Variants in SLC22A17 observed in about 807,000 individuals in gnomAD.
SLC22A17 encodes the protein 24p3 receptor.
Under a neutral mutation model 53.6 loss-of-function variants are expected in SLC22A17, and 38 were observed. The observed-to-expected ratio is 0.71, with a 90% CI of 0.55 to 0.93. SLC22A17 has a LOEUF of 0.93. SLC22A17 is among the 40% of genes least tolerant of loss of function. The pLI, the probability that SLC22A17 is intolerant of heterozygous loss-of-function variation, is 0.00. For synonymous variants in SLC22A17, 379 were observed against 353.0 expected (o/e 1.07, Z -0.82); for missense variants, 704 against 791.0 (o/e 0.89, Z 1.32).
chr14:23,349,485 G>GGTAA, intron 3 of SLC22A17, 59 bp from the exon 4 acceptor site: 2 of 1,558,940 alleles, frequency 1.3e-6, no homozygotes, highest in East Asian at 4.7e-5. Context: ...AAAGTTGCTG[G>GGTAA]GTAAGACCCA....
chr14:23,350,895 AC>A (rs1749744932), intron 3 of SLC22A17: 1 of 152,192 alleles, frequency 6.6e-6, no homozygotes, highest in African/African-American at 2.4e-5. Context: ...AAGGAACTGG[AC>A]TATTGAATGT....
chr14:23,349,567 A>T (rs565005729), intron 3 of SLC22A17, 141 bp from the exon 4 acceptor site: 4 of 931,906 alleles, frequency 4.3e-6, no homozygotes, highest in South Asian at 1.8e-5. Flanking sequence ...GCTTGAGAAG[A>T]TGGGGAGGGA....
In SLC22A17 at chr14:23,352,827, G is replaced by A. The variant is rs1595016829; in HGVS notation, c.-86C>T. 1 of 398,366 alleles carries A rather than the reference G, an allele frequency of 2.5e-6. No individual in the cohort carries two copies. 24.7% of individuals were successfully genotyped at this position (398,366 alleles called of 1,614,324 possible). A position where few individuals can be genotyped will look rare whatever the true frequency, so the allele number is the denominator to read the frequency against. On this transcript the variant is annotated 5_prime_UTR_variant, in exon 1 of 10. Transcript: ENST00000397267. This position sits in a 1 kb window ranked among gnomAD's most constrained non-coding sequence, Gnocchi z 7.2. ...GTTGCGCGCCGGCTGCCCGGACACAGACAGCTCGAAGAGATCCCGCTCTGC... is the reference window on the plus strand; with the variant it reads ...GTTGCGCGCCGGCTGCCCGGACACAAACAGCTCGAAGAGATCCCGCTCTGC...
intron 3 of SLC22A17, among the ~76,000 whole-genome samples, chr14:23,350,595 T>C (rs1889561881): frequency 6.6e-6 from 1 of 152,206 alleles, no homozygotes; most frequent in African/African-American, 2.4e-5. Context: ...AGGGAGCCTC[T>C]GGTCATTGCA....
Position 23,347,952 on chromosome 14 carries a change from A to G in SLC22A17, c.1216T>C (p.Phe406Leu), listed in dbSNP as rs769954311. ...TTGCGGTAGTTGAGGAGGGAAGCAA[A>G]GGAAAAGGAGGATGTTGCAGGGAGA... Residue 406 changes from phenylalanine to leucine, a missense_variant, in exon 7 of 10, where the codon TTT (phenylalanine) becomes CTT (leucine). This residue lies in a region of SLC22A17 where 435 missense variants were observed against 529.0 expected (regional missense o/e 0.82). Transcript: ENST00000397267. This position sits in a 1 kb window ranked among gnomAD's most constrained non-coding sequence, Gnocchi z 5.1. The G allele has an allele frequency of 6.2e-7, 1 of 1,614,152 alleles. No homozygotes were observed. The highest frequency in any genetic ancestry group is 8.5e-7 in the Non-Finnish European group (1 of 1,180,004).
At position 23,348,408 on chromosome 14, in the gene SLC22A17, A is replaced by G. The variant is rs551377773; in HGVS notation, c.1025+98T>C. On this transcript the variant is annotated intron_variant, in intron 5 of 9. Coordinates refer to ENST00000397267, the Ensembl canonical transcript of SLC22A17. This position sits in a 1 kb window ranked among gnomAD's most constrained non-coding sequence, Gnocchi z 4.5. The stretch of plus-strand genomic sequence containing the variant: ...GGGACTGGGGCTGGGGTAGGCCTGG[A>G]CCAGGGGTAGTTGGAGAAGAGGAGG... 2.9e-4 allele frequency: 459 copies of G among 1,583,624 alleles called. 1 individual carries two copies. In the African/African-American group the frequency reaches 5.5e-3, roughly 19 times the overall value.
chr14:23,349,578 T>G, intron 3 of SLC22A17, 152 bp from the exon 4 acceptor site: 27 of 833,848 alleles, frequency 3.2e-5, no homozygotes, highest in African/African-American at 1.7e-5. Flanking sequence ...TGGGGAGGGA[T>G]GGGGACCATG....
chr14:23,352,197 G>A lies in SLC22A17; in HGVS notation c.351C>T (p.Ile117=). 1 of 1,513,946 alleles carries A rather than the reference G, an allele frequency of 6.6e-7. No homozygotes were observed. The highest frequency in any genetic ancestry group is 1.4e-5 in the African/African-American group (1 of 71,318). The allele number at this position is 1,513,946 out of a possible 1,614,324, so 93.8% of individuals were successfully genotyped here. The change falls in exon 2 of 10, where the codon ATC becomes ATT. Residue 117 remains isoleucine (I), a synonymous_variant. Coordinates refer to ENST00000397267, the Ensembl canonical transcript of SLC22A17. The surrounding 1 kb of genome is among the most constrained non-coding windows in gnomAD (Gnocchi z 7.2). ...AATGCAGCGGGGGCGCCAGCGTGAAGATGGGGTCCGAGGCCATGCCCAGAG... is the reference window on the plus strand; with the variant it reads ...AATGCAGCGGGGGCGCCAGCGTGAAAATGGGGTCCGAGGCCATGCCCAGAG...
In SLC22A17 at chr14:23,349,142, G is replaced by C; in HGVS notation, c.859+130C>G. The C allele has an allele frequency of 8.4e-6, 10 of 1,186,800 alleles. No homozygotes were observed. In the South Asian group the frequency reaches 1.2e-4, roughly 15 times the overall value. The allele number at this position is 1,186,800 out of a possible 1,614,324, so 73.5% of individuals were successfully genotyped here. ...CAAGAGCCCTGGATTCTTCAAGGGG[G>C]CCTGGGCAGAAAGATAGCTGAGATT... On this transcript the variant is annotated intron_variant, in intron 4 of 9. Coordinates refer to ENST00000397267, the Ensembl canonical transcript of SLC22A17.
chr14:23,347,381 C>T lies in SLC22A17; in HGVS notation c.1549+79G>A, dbSNP rs937485584. ...GGGGCTGTGGGGCCAGGTGGAGGCT[C>T]GTGGAAGAGCTGGGCAGGGTCTGGG... On this transcript the variant is annotated intron_variant, in intron 8 of 9. Coordinates refer to ENST00000397267, the Ensembl canonical transcript of SLC22A17. This position sits in a 1 kb window ranked among gnomAD's most constrained non-coding sequence, Gnocchi z 5.1. 9.0e-6 allele frequency: 14 copies of T among 1,550,998 alleles called. No individual in the cohort carries two copies. Among genetic ancestry groups the T allele is most frequent in the East Asian group, 6.9e-5 (3 of 43,616 alleles).
Position 23,347,545 on chromosome 14 carries a change from A to G in SLC22A17, c.1464T>C (p.Ile488=). The change falls in exon 8 of 10, where the codon ATT becomes ATC. Residue 488 remains isoleucine, a synonymous_variant. Coordinates refer to ENST00000397267, the Ensembl canonical transcript of SLC22A17. This position sits in a 1 kb window ranked among gnomAD's most constrained non-coding sequence, Gnocchi z 5.1. Reference sequence around the variant, plus strand: ...ACAGGCCCAGCAGGACCAGGGAAGCAATGCCGGTAAGGGTCATGGAGAGAA... The same window carrying G: ...ACAGGCCCAGCAGGACCAGGGAAGCGATGCCGGTAAGGGTCATGGAGAGAA... 1 of 1,614,092 alleles carries G rather than the reference A, an allele frequency of 6.2e-7. No homozygotes were observed. Among genetic ancestry groups the G allele is most frequent in the Non-Finnish European group, 8.5e-7 (1 of 1,179,984 alleles).
rs896703465 is a variant in SLC22A17, at chr14:23,350,323, A to G, written c.705-897T>C. Among the ~76,000 whole-genome samples the G allele has an allele frequency of 1.2e-4, 18 of 152,292 alleles. No individual in the cohort carries two copies. In the South Asian group the frequency reaches 3.7e-3, roughly 32 times the overall value. On this transcript the variant is annotated intron_variant, in intron 3 of 9. Transcript: ENST00000397267. ...CATCTCAAAAAGAAAGAAAAAAGAA[A>G]AAAAAGAAAGAAAAAAGAAAGATCA...
At chr14:23,346,737 GCTCCCCGTCCCGGAGCAC>G in exon 10 of SLC22A17, 4 of 1,545,646 alleles carry the variant, frequency 2.6e-6, no homozygotes, top group Non-Finnish European at 3.5e-6. Context: ...CGGCGACACA[GCTCCCCGTCCCGGAGCAC>G]CTCGGGCAGG....
chr14:23,352,091 C>A lies in SLC22A17; in HGVS notation c.457G>T (p.Ala153Ser). The change falls in exon 2 of 10, where the codon GCC becomes TCC. Residue 153 changes from alanine to serine, a missense_variant. Coordinates refer to ENST00000397267, the Ensembl canonical transcript of SLC22A17. The surrounding 1 kb of genome is among the most constrained non-coding windows in gnomAD (Gnocchi z 7.2). ...CGGCTGGCGGCGCTGGCTGCTAGGG[C>A]AGCGCTGGCGACGCTGACGCCGCTG... 6.3e-7 allele frequency: 1 copy of A among 1,590,250 alleles called. No individual in the cohort carries two copies.
exon 10 of SLC22A17, chr14:23,346,625 C>A: frequency 6.9e-7 from 1 of 1,454,524 alleles, no homozygotes; most frequent in East Asian, 2.4e-5. Flanking sequence ...GGCCAGCCTC[C>A]CGCCAGGGTA....
chr14:23,348,755 G>A lies in SLC22A17; in HGVS notation c.860-84C>T. The A allele has an allele frequency of 2.2e-6, 3 of 1,359,084 alleles. No homozygotes were observed. The highest frequency in any genetic ancestry group is 3.0e-6 in the Non-Finnish European group (3 of 1,009,486). 84.2% of individuals were successfully genotyped at this position (1,359,084 alleles called of 1,614,324 possible). On this transcript the variant is annotated intron_variant, in intron 4 of 9. Transcript: ENST00000397267. The surrounding 1 kb of genome is among the most constrained non-coding windows in gnomAD (Gnocchi z 4.5). ...GAGAGAAGAAGAAAGAGGGAGGGAGGAGGACAGAGAGAGAGGTCAGACCCA... is the reference window on the plus strand; with the variant it reads ...GAGAGAAGAAGAAAGAGGGAGGGAGAAGGACAGAGAGAGAGGTCAGACCCA...
Position 23,347,236 on chromosome 14 carries a change from T to C in SLC22A17, c.1550-24A>G, listed in dbSNP as rs1228840513. The C allele has an allele frequency of 9.4e-6, 15 of 1,596,170 alleles. No homozygotes were observed. The highest frequency in any genetic ancestry group is 1.1e-5 in the Non-Finnish European group (13 of 1,167,970). ...ATCTGCAGAAGCAAGAGGGATGATATGAATGCAGGTGGGGAGGTCAAGGCT... is the reference window on the plus strand; with the variant it reads ...ATCTGCAGAAGCAAGAGGGATGATACGAATGCAGGTGGGGAGGTCAAGGCT... On this transcript the variant is annotated intron_variant, in intron 8 of 9. Coordinates refer to ENST00000397267, the Ensembl canonical transcript of SLC22A17. This position sits in a 1 kb window ranked among gnomAD's most constrained non-coding sequence, Gnocchi z 5.1.
chr14:23,351,933 G>T lies in SLC22A17; in HGVS notation c.600+15C>A, dbSNP rs144107183. The T allele has an allele frequency of 3.1e-6, 5 of 1,611,332 alleles. No individual in the cohort carries two copies. The highest frequency in any genetic ancestry group is 3.3e-5 in the Admixed American group (2 of 59,722). On this transcript the variant is annotated intron_variant, in intron 2 of 9. Transcript: ENST00000397267. Reference sequence around the variant, plus strand: ...CTGCCCGCCCCCAGACCCGCGGCCCGCCTGGCCGCCTCACCTGGCCGATGG... The same window carrying T: ...CTGCCCGCCCCCAGACCCGCGGCCCTCCTGGCCGCCTCACCTGGCCGATGG...
At chr14:23,350,719 A>G (rs891551337) in intron 3 of SLC22A17, among the ~76,000 whole-genome samples, 2 of 152,174 alleles carry the variant, frequency 1.3e-5, no homozygotes, top group Non-Finnish European at 2.9e-5. Context: ...TAGAAGACCA[A>G]ATTATTGATC....
Sources: allele counts gnomAD v4.1 joint callset (sites outside exome capture counted in the v4.1 genomes callset), GRCh38; gene constraint gnomAD v4.1.1; regional missense constraint gnomAD v4.1.1; non-coding constraint Gnocchi (gnomAD v3.1); transcripts MANE v1.5; gene names NCBI Gene and HGNC (gene_info 2026-07-23, HGNC 2026-07-21).